Variants in MMP17 observed in about 807,000 individuals in gnomAD.
The protein encoded by MMP17 is matrix metallopeptidase 17.
Under a neutral mutation model 49.1 loss-of-function variants are expected in MMP17, and 54 were observed. The observed-to-expected ratio is 1.10, with a 90% CI of 0.88 to 1.38. The LOEUF (loss-of-function observed/expected upper bound fraction) is 1.38. Among genes scored for constraint, MMP17 ranks in the 40% most tolerant of loss-of-function variants. The pLI is 0.00. For missense variants in MMP17, 837 were observed against 853.7 expected (o/e 0.98, Z 0.24); for synonymous variants, 397 against 383.1 (o/e 1.04, Z -0.42).
intron 1 of MMP17, among the ~76,000 whole-genome samples, chr12:131,834,529 G>A (rs946562237): frequency 7.2e-5 from 11 of 152,104 alleles, no homozygotes; most frequent in Non-Finnish European, 2.9e-5. Context: ...CAGGGGGCAG[G>A]GAGGGGGACA....
intron 4 of MMP17, 118 bp from the exon 5 acceptor site, chr12:131,841,506 C>T (rs4964929): frequency 0.66 from 691,831 of 1,045,630 alleles, 230,227 homozygotes; most frequent in African/African-American, 0.75. Flanking sequence ...CCCTCTGGCG[C>T]AGCCGGCATC....
At chr12:131,847,395 A>T (rs1432726957) in intron 8 of MMP17, among the ~76,000 whole-genome samples, 1 of 150,784 alleles carries the variant, frequency 6.6e-6, no homozygotes, top group Non-Finnish European at 1.5e-5. Context: ...CCTGGGTGAC[A>T]GAGCGAGACT....
chr12:131,838,450 GT>G, intron 2 of MMP17, 123 bp downstream of exon 2: 1 of 1,461,498 alleles, frequency 6.8e-7, no homozygotes, highest in South Asian at 1.4e-5. Context: ...TCCTGGCCTG[GT>G]GTAGCTCAGA....
intron 1 of MMP17, among the ~76,000 whole-genome samples, chr12:131,831,367 G>A (rs570037009): frequency 2.0e-5 from 3 of 152,262 alleles, no homozygotes; most frequent in Admixed American, 2.0e-4. Context: ...CGGGGCAGGT[G>A]GGGGGTACTG....
chr12:131,837,431 G>C (rs1363682196), intron 1 of MMP17, among the ~76,000 whole-genome samples: 1 of 151,944 alleles, frequency 6.6e-6, no homozygotes, highest in Non-Finnish European at 1.5e-5. Context: ...GCCAAGCCTG[G>C]GCTCTTATCT....
At chr12:131,837,998 C>T in intron 1 of MMP17, 197 bp from the exon 2 acceptor site, 1 of 596,084 alleles carries the variant, frequency 1.7e-6, no homozygotes, top group South Asian at 3.7e-5. Flanking sequence ...GCGTGAGCCA[C>T]AGCACCCGGC....
intron 8 of MMP17, among the ~76,000 whole-genome samples, chr12:131,847,156 C>A (rs11246852): frequency 1.3e-5 from 2 of 151,078 alleles, no homozygotes; most frequent in South Asian, 2.1e-4. Flanking sequence ...CTCACGCCTG[C>A]AATCCCAGCA....
Position 131,851,232 on chromosome 12 carries a change from A to T in MMP17, c.1770A>T (p.Ser590=). The T allele has an allele frequency of 6.9e-7, 1 of 1,451,642 alleles. No individual in the cohort carries two copies. The highest frequency in any genetic ancestry group is 9.1e-7 in the Non-Finnish European group (1 of 1,099,452). The allele number at this position is 1,451,642 out of a possible 1,614,324, so 89.9% of individuals were successfully genotyped here. Reference sequence around the variant, plus strand: ...TGCTGCTGCTGCTGCCGCCACTGTCACCAGGCGCCCTGTGGACAGCGGCCC... The same window carrying T: ...TGCTGCTGCTGCTGCCGCCACTGTCTCCAGGCGCCCTGTGGACAGCGGCCC... The part of the protein sequence containing the change: ...ATMLLLLPPL[S]PGALWTAAQA... Residue 590 remains serine, a synonymous_variant, in exon 10 of 10, where the codon TCA becomes TCT. Coordinates refer to ENST00000360564, the MANE Select transcript of MMP17 (RefSeq NM_016155.7).
chr12:131,850,582 A>T (rs1287703546), intron 9 of MMP17, among the ~76,000 whole-genome samples: 1 of 152,160 alleles, frequency 6.6e-6, no homozygotes, highest in Non-Finnish European at 1.5e-5. Context: ...CCAGTAAGGG[A>T]AAGAGACTCT....
Position 131,850,974 on chromosome 12 carries a change from C to G in MMP17, c.1512C>G (p.Gly504=), listed in dbSNP as rs760140130. The G allele has an allele frequency of 3.2e-6, 5 of 1,549,690 alleles. No homozygotes were observed. Residue 504 remains glycine, a synonymous_variant, in exon 10 of 10, where the codon GGC becomes GGG. Coordinates refer to ENST00000360564, the MANE Select transcript of MMP17 (RefSeq NM_016155.7). ...AGGAGTACTGGAAAGTGCTGGATGG[C>G]GAGCTGGAGGTGGCACCCGGGTACC... ...RGQEYWKVLD[G]ELEVAPGYPQ...
At chr12:131,845,472 C>T (rs1289280363) in intron 8 of MMP17, 23 bp downstream of exon 8, 4 of 1,539,756 alleles carry the variant, frequency 2.6e-6, no homozygotes, top group Non-Finnish European at 3.5e-6. Context: ...CCCCGTCGCA[C>T]TCCGGGCTTC....
chr12:131,840,973 C>A, intron 4 of MMP17, 117 bp downstream of exon 4: 1 of 1,245,942 alleles, frequency 8.0e-7, no homozygotes, highest in Non-Finnish European at 1.1e-6. Flanking sequence ...GCGGCTGCTC[C>A]TGAGCACGGC....
intron 3 of MMP17, among the ~76,000 whole-genome samples, chr12:131,839,863 A>T (rs1392647997): frequency 9.0e-6 from 1 of 110,818 alleles, no homozygotes; most frequent in Non-Finnish European, 2.0e-5. Flanking sequence ...CAGGAGAATC[A>T]CTTGAACCTG....
At chr12:131,847,889 CCT>C (rs1887789732) in intron 8 of MMP17, among the ~76,000 whole-genome samples, 1 of 152,160 alleles carries the variant, frequency 6.6e-6, no homozygotes, top group Non-Finnish European at 1.5e-5. Context: ...CCCTCTGTCC[CCT>C]GTGTCGCCTG....
chr12:131,836,676 G>GA (rs34111977), intron 1 of MMP17, among the ~76,000 whole-genome samples: 90 of 148,046 alleles, frequency 6.1e-4, no homozygotes, highest in Admixed American at 1.6e-3. Flanking sequence ...AATGTCCAGA[G>GA]AAAAAAAAAA....
chr12:131,832,902 C>G lies in MMP17; in HGVS notation c.159+4249C>G, dbSNP rs551527985. 2.3e-3 allele frequency among the ~76,000 whole-genome samples: 356 copies of G among 152,326 alleles called. 4 individuals carry two copies. The highest frequency in any genetic ancestry group is 6.8e-3 in the Middle Eastern group (2 of 294). ...CACTTGCTGTCCCCACCACCGTGAG[C>G]ATGTGAGCACCGCCCCACGCATCAC... On this transcript the variant is annotated intron_variant, in intron 1 of 9. Coordinates refer to ENST00000360564, the MANE Select transcript of MMP17 (RefSeq NM_016155.7).
At chr12:131,835,290 A>G (rs1887024763) in intron 1 of MMP17, among the ~76,000 whole-genome samples, 1 of 152,238 alleles carries the variant, frequency 6.6e-6, no homozygotes, top group Non-Finnish European at 1.5e-5. Context: ...GTGCCTGTTT[A>G]TCATGGGCGG....
chr12:131,849,432 G>A (rs753310247), intron 8 of MMP17, among the ~76,000 whole-genome samples: 7 of 152,168 alleles, frequency 4.6e-5, no homozygotes, highest in Admixed American at 1.3e-4. Flanking sequence ...GCAGTGAACC[G>A]AGATCAAGTC....
chr12:131,830,797 C>A (rs1008545666), intron 1 of MMP17, among the ~76,000 whole-genome samples: 2 of 152,224 alleles, frequency 1.3e-5, no homozygotes, highest in African/African-American at 4.8e-5. Flanking sequence ...GTGAACAAGG[C>A]CGGGATTCAG....
Sources: allele counts gnomAD v4.1 joint callset (sites outside exome capture counted in the v4.1 genomes callset), GRCh38; gene constraint gnomAD v4.1.1; transcripts MANE v1.5; gene names NCBI Gene and HGNC (gene_info 2026-07-23, HGNC 2026-07-21).